ZNF618: variants seen among roughly 807,000 people sequenced by gnomAD.
The protein encoded by ZNF618 is zinc finger protein 618, also known as neural precursor cell expressed, developmentally down-regulated 10.
Under a neutral mutation model 103.0 loss-of-function variants are expected in ZNF618, and 34 were observed. That is an observed-to-expected ratio of 0.33 (90% CI 0.25 to 0.44). The LOEUF (loss-of-function observed/expected upper bound fraction) is 0.44, where lower values mean the gene tolerates loss of function less well. Ranked by LOEUF, ZNF618 falls within the 20% of genes least tolerant of loss-of-function variation. The pLI is 1.00. For synonymous variants in ZNF618, 551 were observed against 542.2 expected (o/e 1.02, Z -0.23); for missense variants, 1,059 against 1,295.4 (o/e 0.82, Z 2.80).
At chr9:113,935,785 C>G (rs1833977377) in intron 1 of ZNF618, among the ~76,000 whole-genome samples, 1 of 152,154 alleles carries the variant, frequency 6.6e-6, no homozygotes, top group Non-Finnish European at 1.5e-5. Flanking sequence ...GCTGTGTACT[C>G]AGGACCTGCT....
chr9:113,926,844 C>T (rs1049800031), intron 1 of ZNF618, among the ~76,000 whole-genome samples: 1 of 152,150 alleles, frequency 6.6e-6, no homozygotes, highest in Non-Finnish European at 1.5e-5. Flanking sequence ...GAAACCCTGT[C>T]TTTACAAAAA....
chr9:113,889,350 T>TCTCTCTCTCCCTCCCTCC (rs1191014933), intron 1 of ZNF618, among the ~76,000 whole-genome samples: 1 of 148,360 alleles, frequency 6.7e-6, no homozygotes, highest in Admixed American at 7.3e-5. Context: ...TCTCTCTTTC[T>TCTCTCTCTCCCTCCCTCC]CTCCCTCCCT....
chr9:113,885,113 G>A (rs887455174), intron 1 of ZNF618, among the ~76,000 whole-genome samples: 3 of 152,110 alleles, frequency 2.0e-5, no homozygotes, highest in South Asian at 2.1e-4. Context: ...AAGGGGAGAC[G>A]CCTGTGGCTA....
intron 6 of ZNF618, 143 bp from the exon 7 acceptor site, chr9:114,007,207 T>A (rs983780123): frequency 2.9e-6 from 2 of 679,790 alleles, no homozygotes; most frequent in Admixed American, 5.4e-5. Context: ...TTTCCTCATG[T>A]GTAAAATGAG....
At chr9:113,972,232 A>G (rs144261260) in intron 2 of ZNF618, among the ~76,000 whole-genome samples, 1 of 152,082 alleles carries the variant, frequency 6.6e-6, no homozygotes, top group Non-Finnish European at 1.5e-5. Flanking sequence ...ATCTTTTTGT[A>G]GAGCTGGGGT....
At chr9:113,995,167 C>G (rs1450436917) in intron 3 of ZNF618, among the ~76,000 whole-genome samples, 1 of 151,788 alleles carries the variant, frequency 6.6e-6, no homozygotes, top group Non-Finnish European at 1.5e-5. Context: ...ATTTTTTATG[C>G]TTGAAAGTCT....
chr9:114,034,556 T>A (rs1844413819), intron 12 of ZNF618, among the ~76,000 whole-genome samples: 1 of 152,178 alleles, frequency 6.6e-6, no homozygotes, highest in Admixed American at 6.5e-5. Context: ...TGGGGGTCAA[T>A]GTTATTGTTA....
rs1185494809 is a variant in ZNF618 at position 114,052,024 on chromosome 9, G to T, written c.*1857G>T. ...GCAAAGGCACCTTCTGTCATCCTGGGGTTGGCTAAGTCAACTCCACCCCTT... is the reference window on the plus strand; with the variant it reads ...GCAAAGGCACCTTCTGTCATCCTGGTGTTGGCTAAGTCAACTCCACCCCTT... On this transcript the variant is annotated 3_prime_UTR_variant, in exon 15 of 15. Coordinates refer to ENST00000374126, the MANE Select transcript of ZNF618 (RefSeq NM_001318042.2). 6.6e-6 allele frequency: 1 copy of T among 152,502 alleles called. No individual in the cohort carries two copies. The highest frequency in any genetic ancestry group is 1.5e-5 in the Non-Finnish European group (1 of 68,056). 9.4% of individuals were successfully genotyped at this position (152,502 alleles called of 1,614,324 possible). A position where few individuals can be genotyped will look rare whatever the true frequency, so the allele number is the denominator to read the frequency against.
chr9:113,883,514 C>T (rs985857380), intron 1 of ZNF618, among the ~76,000 whole-genome samples: 4 of 152,284 alleles, frequency 2.6e-5, no homozygotes, highest in Non-Finnish European at 4.4e-5. Flanking sequence ...TCCAGGCACA[C>T]GGGCTCCTTC....
In ZNF618 at chr9:114,049,174, C is replaced by G. The variant is rs375985037; in HGVS notation, c.1872C>G (p.Ser624=). 43 of 1,613,710 alleles carry G rather than the reference C, an allele frequency of 2.7e-5. No homozygotes were observed. Among genetic ancestry groups the G allele is most frequent in the Non-Finnish European group, 3.3e-5 (39 of 1,179,908 alleles). Residue 624 remains serine (S), a synonymous_variant, in exon 15 of 15, where the codon TCC becomes TCG. Coordinates refer to ENST00000374126, the MANE Select transcript of ZNF618 (RefSeq NM_001318042.2). Reference sequence around the variant, plus strand: ...TGACGGATTGCCGGGTGAGCACGTCCGCCTTCTCCAAGGCCGGCATGTGCC... The same window carrying G: ...TGACGGATTGCCGGGTGAGCACGTCGGCCTTCTCCAAGGCCGGCATGTGCC... ...VYVTDCRVST[S]AFSKAGMCLR... is the part of the protein sequence containing the mutation.
intron 6 of ZNF618, among the ~76,000 whole-genome samples, chr9:114,003,603 AAC>A (rs1160392535): frequency 6.6e-6 from 1 of 152,220 alleles, no homozygotes; most frequent in Non-Finnish European, 1.5e-5. Context: ...GCCAGGCGTA[AAC>A]AGAGTTCAGC....
At chr9:114,000,736 C>T (rs1362147030) in intron 4 of ZNF618, among the ~76,000 whole-genome samples, 3 of 152,302 alleles carry the variant, frequency 2.0e-5, no homozygotes, top group African/African-American at 7.2e-5. Flanking sequence ...TGATCTTCAC[C>T]TGCACGGAGG....
At chr9:114,048,288 G>C (rs912515852) in intron 14 of ZNF618, among the ~76,000 whole-genome samples, 5 of 152,172 alleles carry the variant, frequency 3.3e-5, no homozygotes, top group African/African-American at 1.2e-4. Context: ...GCTCTTTCCT[G>C]ACATGATGAT....
At chr9:114,002,581 GCCCGGTAGCC>G (rs1841345096) in intron 5 of ZNF618, 33 bp from the exon 6 acceptor site, 1 of 1,598,392 alleles carries the variant, frequency 6.3e-7, no homozygotes, top group Non-Finnish European at 8.5e-7. Flanking sequence ...CCTGTCATTG[GCCCGGTAGCC>G]CCACCCCCAT....
chr9:114,044,474 T>A (rs185660086), intron 13 of ZNF618, among the ~76,000 whole-genome samples: 1 of 152,318 alleles, frequency 6.6e-6, no homozygotes, highest in East Asian at 1.9e-4. Context: ...TCCGGTAATG[T>A]GTTGCCCCCA....
intron 1 of ZNF618, among the ~76,000 whole-genome samples, chr9:113,942,625 G>A (rs1024643685): frequency 3.7e-4 from 56 of 152,190 alleles, no homozygotes; most frequent in African/African-American, 1.3e-3. Flanking sequence ...TGGAGCAGAC[G>A]ATGAATCAGT....
At chr9:113,893,468 A>G (rs556366086) in intron 1 of ZNF618, among the ~76,000 whole-genome samples, 10 of 152,174 alleles carry the variant, frequency 6.6e-5, no homozygotes, top group Non-Finnish European at 1.2e-4. Flanking sequence ...ATAAATGTCA[A>G]CCCTCTTACA....
intron 2 of ZNF618, among the ~76,000 whole-genome samples, chr9:113,972,283 T>C (rs1838043528): frequency 6.6e-6 from 1 of 152,156 alleles, no homozygotes. Context: ...TCCTGAGTTC[T>C]AGTGATGCAC....
intron 4 of ZNF618, among the ~76,000 whole-genome samples, chr9:114,001,707 G>A (rs190539836): frequency 5.9e-5 from 9 of 152,306 alleles, no homozygotes; most frequent in African/African-American, 2.2e-4. Flanking sequence ...TCCCCTCAAG[G>A]TGTAGGGCTG....
Sources: allele counts gnomAD v4.1 joint callset (sites outside exome capture counted in the v4.1 genomes callset), GRCh38; gene constraint gnomAD v4.1.1; transcripts MANE v1.5; gene names NCBI Gene and HGNC (gene_info 2026-07-23, HGNC 2026-07-21).